The following WDPCP variants were observed in gnomAD, a reference collection of about 807,000 sequenced individuals.
WDPCP encodes WD repeat-containing and planar cell polarity effector protein fritz homolog.
WDPCP carries 71 observed loss-of-function variants against 93.1 expected under a neutral mutation model. That is an observed-to-expected ratio of 0.76 (90% confidence interval 0.63 to 0.93). The LOEUF (loss-of-function observed/expected upper bound fraction) is 0.93, where lower values mean the gene tolerates loss of function less well. Ranked by LOEUF, WDPCP falls within the 40% of genes least tolerant of loss-of-function variation. The pLI is 0.00. For synonymous variants in WDPCP, 315 were observed against 315.0 expected (o/e 1.00, Z 0.00); for missense variants, 844 against 887.4 (o/e 0.95, Z 0.62).
chr2:63,367,211 T>TAAAG (rs1690985808), intron 12 of WDPCP, among the ~76,000 whole-genome samples: 3 of 151,914 alleles, frequency 2.0e-5, no homozygotes. Flanking sequence ...TATAATTACT[T>TAAAG]AAAGACCAAT....
intron 14 of WDPCP, among the ~76,000 whole-genome samples, chr2:63,241,260 T>C (rs1679835304): frequency 6.6e-6 from 1 of 152,156 alleles, no homozygotes; most frequent in African/African-American, 2.4e-5. Flanking sequence ...AGGATGTCTT[T>C]AGGGAAAGAT....
intron 2 of WDPCP, among the ~76,000 whole-genome samples, chr2:63,731,645 T>G (rs1669562910): frequency 6.6e-6 from 1 of 152,238 alleles, no homozygotes; most frequent in South Asian, 2.1e-4. Context: ...TTAAAAATCG[T>G]ATTTAACAAA....
intron 6 of WDPCP, among the ~76,000 whole-genome samples, chr2:63,456,754 C>T (rs1050737189): frequency 3.3e-5 from 5 of 152,182 alleles, no homozygotes; most frequent in African/African-American, 9.6e-5. Context: ...CGGTGGCTCA[C>T]TCTTGTAATC....
At chr2:63,462,774 G>A (rs968756873) in intron 6 of WDPCP, among the ~76,000 whole-genome samples, 2 of 152,146 alleles carry the variant, frequency 1.3e-5, no homozygotes, top group African/African-American at 2.4e-5. Flanking sequence ...GGATAATTTC[G>A]AAGATAAATA....
intron 13 of WDPCP, among the ~76,000 whole-genome samples, chr2:63,296,468 A>G (rs1225702505): frequency 6.6e-6 from 1 of 152,206 alleles, no homozygotes; most frequent in Non-Finnish European, 1.5e-5. Context: ...AGAGAAAGAA[A>G]TAAAACGTAT....
chr2:63,199,593 G>T (rs1160968744), intron 14 of WDPCP, among the ~76,000 whole-genome samples: 1 of 152,232 alleles, frequency 6.6e-6, no homozygotes, highest in African/African-American at 2.4e-5. Context: ...GGTGCACAGT[G>T]TAAGAGTTGA....
chr2:63,228,838 G>C (rs1220423997), intron 14 of WDPCP: 1 of 152,076 alleles, frequency 6.6e-6, no homozygotes, highest in East Asian at 1.9e-4. Context: ...ATCATTGTTG[G>C]ACACTTAGGT....
In WDPCP at chr2:63,141,398, T is replaced by C. The variant is rs151139995; in HGVS notation, c.2190+11516A>G. Among the ~76,000 whole-genome samples the C allele has an allele frequency of 9.1e-3, 1,382 of 152,320 alleles. 12 individuals are homozygous for C. Among genetic ancestry groups the C allele is most frequent in the Non-Finnish European group, 0.012 (848 of 68,022 alleles). ...AGCTGATTTTTACTTTTAATTCTGT[T>C]TCTGTGGTGTATCACATTTATTGGC... On this transcript the variant is annotated intron_variant, in intron 17 of 17. Coordinates refer to ENST00000272321, the MANE Select transcript of WDPCP (RefSeq NM_015910.7).
intron 2 of WDPCP, among the ~76,000 whole-genome samples, chr2:63,744,782 T>A (rs1053554098): frequency 1.1e-4 from 16 of 152,026 alleles, no homozygotes; most frequent in African/African-American, 3.6e-4. Context: ...TTATAGAAAC[T>A]TCCATGTGGT....
At position 63,629,378 on chromosome 2, in the gene WDPCP, G is replaced by C. The variant is rs1709842360; in HGVS notation, n.488+21281C>G. Among the ~76,000 whole-genome samples, 3 of 152,188 alleles carry C rather than the reference G, an allele frequency of 2.0e-5. No individual in the cohort carries two copies. The South Asian group carries it at 6.2e-4, about 31-fold the overall frequency. ...CACCACTGGGGAAGTATCAGAGAAG[G>C]CCAAGTAGAATTCTATGACTTTCAT... On this transcript the variant is annotated intron_variant and non_coding_transcript_variant, in intron 3 of 4. Coordinates refer to the WDPCP transcript ENST00000467687.
chr2:63,783,632 A>T (rs1170020328), intron 2 of WDPCP, among the ~76,000 whole-genome samples: 2 of 152,204 alleles, frequency 1.3e-5, no homozygotes, highest in Non-Finnish European at 2.9e-5. Context: ...CTATATAGAT[A>T]GAACTGGAGG....
chr2:63,679,473 C>T (rs1710463398), intron 2 of WDPCP, among the ~76,000 whole-genome samples: 1 of 152,166 alleles, frequency 6.6e-6, no homozygotes, highest in African/African-American at 2.4e-5. Context: ...GTTGAGCCAT[C>T]TGTCTGACAG....
At chr2:63,482,802 T>C (rs1700346081) in intron 6 of WDPCP, among the ~76,000 whole-genome samples, 1 of 151,916 alleles carries the variant, frequency 6.6e-6, no homozygotes, top group Non-Finnish European at 1.5e-5. Context: ...ATTTTAGAAA[T>C]ATCTTTATAA....
At chr2:63,711,360 A>C (rs1454419473) in intron 2 of WDPCP, 1 of 152,230 alleles carries the variant, frequency 6.6e-6, no homozygotes, top group African/African-American at 2.4e-5. Context: ...ATTTCCAGCA[A>C]GTGGGTTCAT....
chr2:63,623,831 G>C (rs139337058), intron 3 of WDPCP, among the ~76,000 whole-genome samples: 1 of 152,162 alleles, frequency 6.6e-6, no homozygotes, highest in Non-Finnish European at 1.5e-5. Flanking sequence ...TCTGGACCAA[G>C]TGGACCTAAT....
chr2:63,660,886 T>C (rs746048809), intron 2 of WDPCP, among the ~76,000 whole-genome samples: 9 of 152,216 alleles, frequency 5.9e-5, no homozygotes, highest in Admixed American at 1.3e-4. Flanking sequence ...AAATATTTTT[T>C]CCTTATCACT....
At chr2:63,255,436 G>C (rs953670577) in intron 14 of WDPCP, among the ~76,000 whole-genome samples, 2 of 152,142 alleles carry the variant, frequency 1.3e-5, no homozygotes. Flanking sequence ...AGGTGTTTGG[G>C]TCATGAAGGC....
intron 2 of WDPCP, among the ~76,000 whole-genome samples, chr2:63,691,864 ATAC>A (rs1668895988): frequency 6.8e-6 from 1 of 147,246 alleles, no homozygotes; most frequent in Non-Finnish European, 1.5e-5. Context: ...TAAAAATTAT[ATAC>A]TACAAAGTGT....
At chr2:63,278,823 T>C (rs1038361720) in intron 13 of WDPCP, among the ~76,000 whole-genome samples, 6 of 152,138 alleles carry the variant, frequency 3.9e-5, no homozygotes, top group Non-Finnish European at 8.8e-5. Context: ...CTACTACAGA[T>C]ACCACAGAAA....
Sources: gnomAD v4.1 joint callset for allele counts (sites outside exome capture counted in the v4.1 genomes callset) on GRCh38, gnomAD v4.1.1 for gene constraint, MANE v1.5 for transcripts, NCBI Gene and HGNC (gene_info 2026-07-23, HGNC 2026-07-21) for gene names.